The following CDK9 variants were observed in gnomAD, a reference collection of about 807,000 sequenced individuals.
CDK9 encodes the protein cyclin-dependent kinase 9.
In CDK9, 34 loss-of-function variants were observed where a neutral mutation model predicts 39.0. The ratio of observed to expected loss-of-function variants is 0.87; its 90% CI spans 0.66 to 1.16. CDK9 has a LOEUF of 1.16. CDK9 is among the 50% of genes most tolerant of loss of function. CDK9 has a pLI of 0.00. For synonymous variants in CDK9, 233 were observed against 196.2 expected (o/e 1.19, Z -1.57); for missense variants, 369 against 503.2 (o/e 0.73, Z 2.55).
rs764624212 is a variant in CDK9 at position 127,789,139 on chromosome 9, A to T, written c.754-39A>T. 1 of 1,528,152 alleles carries T rather than the reference A, an allele frequency of 6.5e-7. No homozygotes were observed. Among genetic ancestry groups the T allele is most frequent in the Admixed American group, 2.1e-5 (1 of 48,488 alleles). 94.7% of individuals were successfully genotyped at this position (1,528,152 alleles called of 1,614,324 possible). ...GAAGGGATAAGCCACGCACCTCCTG[A>T]CCGGACTCCATATTCTCTCAACGCC... On this transcript the variant is annotated intron_variant, in intron 6 of 6. Coordinates refer to ENST00000373264, the MANE Select transcript of CDK9 (RefSeq NM_001261.4). This position sits in a 1 kb window ranked among gnomAD's most constrained non-coding sequence, Gnocchi z 5.2.
Position 127,789,623 on chromosome 9 carries a change from G to C in CDK9, c.*80G>C. On this transcript the variant is annotated 3_prime_UTR_variant, in exon 7 of 7. Transcript: ENST00000373264. This position sits in a 1 kb window ranked among gnomAD's most constrained non-coding sequence, Gnocchi z 5.2. ...TGCATCGTGGAGACAGGGCATTTGA[G>C]TTTATATCTCTCATGCATATTTTAT... The C allele has an allele frequency of 6.6e-7, 1 of 1,521,956 alleles. No individual in the cohort carries two copies. Among genetic ancestry groups the C allele is most frequent in the Non-Finnish European group, 8.8e-7 (1 of 1,130,874 alleles). 94.3% of individuals were successfully genotyped at this position (1,521,956 alleles called of 1,614,324 possible). A position where few individuals can be genotyped will look rare whatever the true frequency, so the allele number is the denominator to read the frequency against.
chr9:127,786,633 T>C, intron 1 of CDK9, 68 bp from the exon 2 acceptor site: 1 of 1,324,734 alleles, frequency 7.5e-7, no homozygotes, highest in Non-Finnish European at 1.1e-6. Flanking sequence ...CCTCCTCCTG[T>C]AGTGGGGGAG....
intron 1 of CDK9, 106 bp from the exon 2 acceptor site, chr9:127,786,595 C>A: frequency 9.6e-7 from 1 of 1,045,246 alleles, no homozygotes; most frequent in Non-Finnish European, 1.4e-6. Flanking sequence ...CTAGCCCAGC[C>A]CCGCCCGGGA....
At position 127,788,537 on chromosome 9, in the gene CDK9, T is replaced by TTCC. The variant is rs753255887; in HGVS notation, c.605-6_605-4dup. The stretch of plus-strand genomic sequence containing the variant: ...AAGGGGCCCTCCTGGTGCGCTCTTC[T>TTCC]TCCCAGGGGAGCGGGACTACGGCCC... On this transcript the variant is annotated splice_polypyrimidine_tract_variant and splice_region_variant and intron_variant, in intron 5 of 6. Coordinates refer to ENST00000373264, the MANE Select transcript of CDK9 (RefSeq NM_001261.4). 6 of 1,556,990 alleles carry TTCC rather than the reference T, an allele frequency of 3.9e-6. No individual in the cohort carries two copies. The African/African-American group carries it at 5.4e-5, about 14-fold the overall frequency.
chr9:127,788,526 G>C lies in CDK9; in HGVS notation c.605-18G>C. On this transcript the variant is annotated intron_variant, in intron 5 of 6. Coordinates refer to ENST00000373264, the MANE Select transcript of CDK9 (RefSeq NM_001261.4). ...CCCTCGGGCTCAAGGGGCCCTCCTG[G>C]TGCGCTCTTCTTCCCAGGGGAGCGG... The C allele has an allele frequency of 6.5e-7, 1 of 1,549,976 alleles. No homozygotes were observed. Among genetic ancestry groups the C allele is most frequent in the Non-Finnish European group, 8.7e-7 (1 of 1,146,502 alleles).
chr9:127,787,449 A>C, intron 2 of CDK9, 69 bp from the exon 3 acceptor site: 1 of 1,025,250 alleles, frequency 9.8e-7, no homozygotes, highest in Non-Finnish European at 1.5e-6. Flanking sequence ...CTTGGCTGTC[A>C]GTACAGACCC....
chr9:127,787,487 T>C (rs768162338), intron 2 of CDK9, 31 bp from the exon 3 acceptor site: 2 of 1,531,602 alleles, frequency 1.3e-6, no homozygotes, highest in Admixed American at 1.7e-5. Context: ...CTGCGCTCAC[T>C]CTTGACCACT....
rs760282666 is a variant in CDK9 at position 127,788,384 on chromosome 9, C to T, written c.603C>T (p.Leu201=). The change falls in exon 5 of 7, where the codon CTC becomes CTT. Residue 201 remains leucine, a splice_region_variant and synonymous_variant. Coordinates refer to ENST00000373264, the MANE Select transcript of CDK9 (RefSeq NM_001261.4). The stretch of plus-strand genomic sequence containing the variant: ...GGTACCGGCCCCCGGAGCTGTTGCT[C>T]GGTGAGGACTCCCGAGCGGGCCAAG... ...TLWYRPPELL[L]GERDYGPPID... The T allele has an allele frequency of 1.4e-5, 23 of 1,611,200 alleles. No individual in the cohort carries two copies. The highest frequency in any genetic ancestry group is 1.7e-5 in the Non-Finnish European group (20 of 1,179,408).
rs374516629 is a variant in CDK9, at chr9:127,787,640, A to G, written c.265+32A>G. 3.2e-5 allele frequency: 47 copies of G among 1,477,598 alleles called. No homozygotes were observed. The Middle Eastern group carries it at 8.6e-4, about 27-fold the overall frequency. 91.5% of individuals were successfully genotyped at this position (1,477,598 alleles called of 1,614,324 possible). A position where few individuals can be genotyped will look rare whatever the true frequency, so the allele number is the denominator to read the frequency against. Reference sequence around the variant, plus strand: ...TATTTGGTTCTTACGAGAAGATGACACTTGTAGCCTAAGGTTTTGTTTGTA... The same window carrying G: ...TATTTGGTTCTTACGAGAAGATGACGCTTGTAGCCTAAGGTTTTGTTTGTA... On this transcript the variant is annotated intron_variant, in intron 3 of 6. Transcript: ENST00000373264.
intron 6 of CDK9, among the ~76,000 whole-genome samples, chr9:127,788,971 G>T (rs1254123139): frequency 6.6e-6 from 1 of 152,218 alleles, no homozygotes; most frequent in Non-Finnish European, 1.5e-5. Context: ...CAGGGTTGGA[G>T]CCCATATTCC....
At position 127,788,279 on chromosome 9, in the gene CDK9, A is replaced by T; in HGVS notation, c.498A>T (p.Ala166=). The T allele has an allele frequency of 6.2e-7, 1 of 1,613,684 alleles. No individual in the cohort carries two copies. The highest frequency in any genetic ancestry group is 8.5e-7 in the Non-Finnish European group (1 of 1,180,030). ...CTCGTGATGGGGTCCTGAAGCTGGC[A>T]GACTTTGGGCTGGCCCGGGCCTTCA... ...LITRDGVLKL[A]DFGLARAFSL... Residue 166 remains alanine, a synonymous_variant, in exon 5 of 7, where the codon GCA becomes GCT. Transcript: ENST00000373264.
At chr9:127,788,733 C>T in intron 6 of CDK9, 41 bp downstream of exon 6, 3 of 1,529,940 alleles carry the variant, frequency 2.0e-6, no homozygotes, top group Non-Finnish European at 2.6e-6. Context: ...AGATCGAGGT[C>T]CCCCGGCAGA....
At position 127,789,227 on chromosome 9, in the gene CDK9, T is replaced by C. The variant is rs768088819; in HGVS notation, c.803T>C (p.Val268Ala). 4 of 1,609,394 alleles carry C rather than the reference T, an allele frequency of 2.5e-6. No individual in the cohort carries two copies. Among genetic ancestry groups the C allele is most frequent in the South Asian group, 2.2e-5 (2 of 90,836 alleles). Residue 268 changes from valine (V) to alanine (A), a missense_variant, in exon 7 of 7, where the codon GTC (valine) becomes GCC (alanine). Transcript: ENST00000373264. The surrounding 1 kb of genome is among the most constrained non-coding windows in gnomAD (Gnocchi z 5.2). The part of the protein sequence containing the change: ...NYELYEKLEL[V>A]KGQKRKVKDR... ...GAGCTGTACGAAAAGCTGGAGCTGG[T>C]CAAGGGCCAGAAGCGGAAGGTGAAG...
In CDK9 at chr9:127,787,578, G is replaced by A; in HGVS notation, c.235G>A (p.Val79Ile). The stretch of plus-strand genomic sequence containing the variant: ...TCAGCTTCTAAAACACGAGAATGTG[G>A]TCAACTTGATTGAGATTTGTCGAAC... ...ILQLLKHENV[V>I]NLIEICRTKA... Residue 79 changes from valine (V) to isoleucine (I), a missense_variant, in exon 3 of 7, where the codon GTC becomes ATC. Val to Ile is a conservative substitution (Grantham distance 29). Transcript: ENST00000373264. 1.2e-6 allele frequency: 2 copies of A among 1,613,344 alleles called. No individual in the cohort carries two copies.
At chr9:127,787,354 G>T in intron 2 of CDK9, 164 bp from the exon 3 acceptor site, 1 of 513,840 alleles carries the variant, frequency 1.9e-6, no homozygotes, top group South Asian at 3.4e-5. Flanking sequence ...TCATCTTGAA[G>T]TGTGCATGCT....
rs1358194546 is a variant in CDK9, at chr9:127,789,112, A to G, written c.754-66A>G. On this transcript the variant is annotated intron_variant, in intron 6 of 6. Coordinates refer to ENST00000373264, the MANE Select transcript of CDK9 (RefSeq NM_001261.4). The surrounding 1 kb of genome is among the most constrained non-coding windows in gnomAD (Gnocchi z 5.2). ...GGTATTTTAGTCCTTTTAGGCCTTT[A>G]TGAAGGGATAAGCCACGCACCTCCT... 7.3e-6 allele frequency: 11 copies of G among 1,506,168 alleles called. No individual in the cohort carries two copies. The highest frequency in any genetic ancestry group is 4.4e-4 in the Middle Eastern group (2 of 4,518). 93.3% of individuals were successfully genotyped at this position (1,506,168 alleles called of 1,614,324 possible).
chr9:127,787,502 C>G lies in CDK9; in HGVS notation c.175-16C>G. On this transcript the variant is annotated splice_polypyrimidine_tract_variant and intron_variant, in intron 2 of 6. Coordinates refer to ENST00000373264, the MANE Select transcript of CDK9 (RefSeq NM_001261.4). ...CTGCGCTCACTCTTGACCACTTTCC[C>G]CTCTTTCTCACCCAGTTCCCCATTA... is the stretch of plus-strand genomic sequence containing the variant. 1 of 1,594,796 alleles carries G rather than the reference C, an allele frequency of 6.3e-7. No homozygotes were observed. The highest frequency in any genetic ancestry group is 8.6e-7 in the Non-Finnish European group (1 of 1,162,540).
Position 127,787,517 on chromosome 9 carries a change from G to T in CDK9, c.175-1G>T. The T allele has an allele frequency of 1.9e-6, 3 of 1,609,706 alleles. No individual in the cohort carries two copies. The highest frequency in any genetic ancestry group is 2.6e-6 in the Non-Finnish European group (3 of 1,176,098). On this transcript the variant is annotated splice_acceptor_variant, in intron 2 of 6. Transcript: ENST00000373264. LOFTEE classifies it high-confidence loss of function. ...ACCACTTTCCCCTCTTTCTCACCCA[G>T]TTCCCCATTACAGCCTTGCGGGAGA...
chr9:127,787,825 C>T (rs1829357915), intron 3 of CDK9, 122 bp from the exon 4 acceptor site: 1 of 1,093,716 alleles, frequency 9.1e-7, no homozygotes, highest in Non-Finnish European at 1.4e-6. Flanking sequence ...AAGGAAGGAA[C>T]AGACAGATGC....
Sources: allele counts gnomAD v4.1 joint callset (sites outside exome capture counted in the v4.1 genomes callset), GRCh38; gene constraint gnomAD v4.1.1; non-coding constraint Gnocchi (gnomAD v3.1); transcripts MANE v1.5; gene names NCBI Gene and HGNC (gene_info 2026-07-23, HGNC 2026-07-21).